TRIM66: variants seen among roughly 807,000 people sequenced by gnomAD.
The protein encoded by TRIM66 is tripartite motif containing 66, also known as tripartite motif-containing protein 66.
In TRIM66, 99 loss-of-function variants were observed where a neutral mutation model predicts 148.2. The ratio of observed to expected loss-of-function variants is 0.67; its 90% CI spans 0.57 to 0.79. The LOEUF (loss-of-function observed/expected upper bound fraction) is 0.79, where lower values mean the gene tolerates loss of function less well. Ranked by LOEUF, TRIM66 falls within the 30% of genes least tolerant of loss-of-function variation. The pLI is 0.00. For missense variants in TRIM66, 1,666 were observed against 1,697.9 expected (o/e 0.98, Z 0.33); for synonymous variants, 616 against 635.9 (o/e 0.97, Z 0.47).
chr11:8,632,144 C>T (rs561040850), intron 15 of TRIM66, among the ~76,000 whole-genome samples: 1 of 152,186 alleles, frequency 6.6e-6, no homozygotes, highest in African/African-American at 2.4e-5. Context: ...CCTGTCTCTA[C>T]TAAAAATACA....
intron 17 of TRIM66, 139 bp from the exon 18 acceptor site, chr11:8,623,015 T>A (rs896071877): frequency 1.6e-5 from 11 of 693,802 alleles, no homozygotes; most frequent in African/African-American, 1.4e-4. Flanking sequence ...CTATAGTCAT[T>A]CATACATAGT....
intron 15 of TRIM66, among the ~76,000 whole-genome samples, chr11:8,628,613 A>AG (rs2035084077): frequency 1.5e-5 from 1 of 65,662 alleles, no homozygotes; most frequent in South Asian, 6.3e-4. Context: ...ACCCTGTCTC[A>AG]AAAAAAAAAA....
intron 15 of TRIM66, among the ~76,000 whole-genome samples, chr11:8,634,084 T>G (rs896693096): frequency 6.6e-6 from 1 of 152,186 alleles, no homozygotes; most frequent in Non-Finnish European, 1.5e-5. Flanking sequence ...GGCTATGTTA[T>G]GAGCAGCAGA....
At chr11:8,676,679 A>T (rs148166744) in intron 3 of TRIM66, among the ~76,000 whole-genome samples, 1 of 152,250 alleles carries the variant, frequency 6.6e-6, no homozygotes, top group Admixed American at 6.5e-5. Flanking sequence ...TGATTTGAGA[A>T]GACGAAGGGT....
At chr11:8,625,543 C>CACACACACACAG (rs147425225) in intron 15 of TRIM66, among the ~76,000 whole-genome samples, 2 of 150,434 alleles carry the variant, frequency 1.3e-5, no homozygotes, top group Admixed American at 6.6e-5. Flanking sequence ...GAGGCATGTA[C>CACACACACACAG]ACACACACAC....
chr11:8,638,832 G>A lies in TRIM66; in HGVS notation c.2149-17C>T, dbSNP rs2133053374. 6.5e-7 allele frequency: 1 copy of A among 1,548,924 alleles called. No homozygotes were observed. The highest frequency in any genetic ancestry group is 2.4e-5 in the East Asian group (1 of 40,824). On this transcript the variant is annotated splice_polypyrimidine_tract_variant and intron_variant, in intron 14 of 24. Transcript: ENST00000646038. ...ATCTGTAGCCTGGAGAAGAAAATAA[G>A]AACTTGGGTGGGTTTTACTGCAGAC...
chr11:8,642,368 T>G (rs778563438), intron 13 of TRIM66, among the ~76,000 whole-genome samples: 1 of 152,194 alleles, frequency 6.6e-6, no homozygotes, highest in Non-Finnish European at 1.5e-5. Flanking sequence ...CAACAAATTT[T>G]CAATAAGATT....
At chr11:8,647,513 C>G (rs2036972297) in intron 10 of TRIM66, among the ~76,000 whole-genome samples, 1 of 152,164 alleles carries the variant, frequency 6.6e-6, no homozygotes, top group South Asian at 2.1e-4. Context: ...ATGAGGTGCT[C>G]TCAGCACCTA....
chr11:8,624,797 C>CT lies in TRIM66; in HGVS notation c.2741_2742insA (p.Ser915ValfsTer19). On this transcript the variant is annotated frameshift_variant, in exon 16 of 25. Coordinates refer to ENST00000646038, the MANE Select transcript of TRIM66 (RefSeq NM_001388022.1). LOFTEE classifies it high-confidence loss of function. The stretch of plus-strand genomic sequence containing the variant: ...AAGTTCGGCCAGAACTGGAGCTGGA[C>CT]CCAGTTTCTGGCTGCATGTCAGAAA... 1 of 1,551,514 alleles carries CT rather than the reference C, an allele frequency of 6.4e-7. No individual in the cohort carries two copies. The highest frequency in any genetic ancestry group is 1.2e-5 in the South Asian group (1 of 84,004).
At chr11:8,649,998 T>G in intron 7 of TRIM66, 111 bp from the exon 8 acceptor site, 2 of 1,302,786 alleles carry the variant, frequency 1.5e-6, no homozygotes, top group East Asian at 2.5e-5. Context: ...CTCCACCAGT[T>G]TGGAGTGTAA....
At chr11:8,660,932 G>A (rs548154135) in intron 6 of TRIM66, among the ~76,000 whole-genome samples, 59 of 152,328 alleles carry the variant, frequency 3.9e-4, no homozygotes, top group African/African-American at 1.4e-3. Flanking sequence ...GAAATGACAG[G>A]AGGTGAGGCT....
chr11:8,683,130 C>T, upstream of TRIM66: 20 of 1,458,934 alleles, frequency 1.4e-5, no homozygotes, highest in Non-Finnish European at 1.8e-5. Context: ...GCTTACAGGA[C>T]CATCTCGGCT....
Position 8,634,981 on chromosome 11 carries a change from C to T in TRIM66, c.2310+3673G>A, listed in dbSNP as rs570341782. 2.0e-5 allele frequency among the ~76,000 whole-genome samples: 3 copies of T among 152,304 alleles called. No individual in the cohort carries two copies. The South Asian group carries it at 6.2e-4, about 32-fold the overall frequency. The stretch of plus-strand genomic sequence containing the variant: ...TGGGATGGAGGACAAAACACCTTTA[C>T]CAGATAAAACAACCAATACCAAACT... On this transcript the variant is annotated intron_variant, in intron 15 of 24. Coordinates refer to ENST00000646038, the MANE Select transcript of TRIM66 (RefSeq NM_001388022.1).
At chr11:8,633,017 G>A (rs2035555199) in intron 15 of TRIM66, among the ~76,000 whole-genome samples, 1 of 152,214 alleles carries the variant, frequency 6.6e-6, no homozygotes, top group African/African-American at 2.4e-5. Context: ...GAAGAAAGAG[G>A]AAAGGAGTAA....
At chr11:8,674,059 T>G (rs1289155213) in intron 4 of TRIM66, among the ~76,000 whole-genome samples, 1 of 152,230 alleles carries the variant, frequency 6.6e-6, no homozygotes, top group Admixed American at 6.5e-5. Context: ...GCAGCATGAT[T>G]AGAGACGAGG....
At chr11:8,637,490 G>A (rs1468440361) in intron 15 of TRIM66, among the ~76,000 whole-genome samples, 1 of 152,172 alleles carries the variant, frequency 6.6e-6, no homozygotes, top group Admixed American at 6.5e-5. Context: ...CAACAGGGTA[G>A]GACAGGCACA....
chr11:8,648,467 CAT>C lies in TRIM66; in HGVS notation c.672_673del (p.Cys225Ter). On this transcript the variant is annotated frameshift_variant, in exon 9 of 25. Coordinates refer to ENST00000646038, the MANE Select transcript of TRIM66 (RefSeq NM_001388022.1). LOFTEE classifies it high-confidence loss of function. ...GCAGCTATGGCAAGTGAGCATATCA[CAT>C]GTCTCACAGAATAGCTTGAGTACTT... The C allele has an allele frequency of 1.9e-6, 3 of 1,551,768 alleles. No homozygotes were observed. The highest frequency in any genetic ancestry group is 1.7e-4 in the Middle Eastern group (1 of 5,978).
chr11:8,658,654 G>T, intron 6 of TRIM66: 1 of 462,038 alleles, frequency 2.2e-6, no homozygotes, highest in Non-Finnish European at 2.8e-6. Context: ...CAGCAGCGGT[G>T]CCTGCACAGC....
At chr11:8,646,376 A>G in intron 11 of TRIM66, 71 bp downstream of exon 11, 6 of 1,262,508 alleles carry the variant, frequency 4.8e-6, no homozygotes, top group Non-Finnish European at 6.8e-6. Flanking sequence ...AGGCTTCCCT[A>G]GGTCCTGGGA....
Sources: gnomAD v4.1 joint callset for allele counts (sites outside exome capture counted in the v4.1 genomes callset) on GRCh38, gnomAD v4.1.1 for gene constraint, MANE v1.5 for transcripts, NCBI Gene and HGNC (gene_info 2026-07-23, HGNC 2026-07-21) for gene names.